The following NR3C2 variants were observed in gnomAD, a reference collection of about 807,000 sequenced individuals.
NR3C2 encodes mineralocorticoid receptor.
NR3C2 carries 15 observed loss-of-function variants against 86.4 expected under a neutral mutation model. The ratio of observed to expected loss-of-function variants is 0.17; its 90% CI spans 0.12 to 0.27. The LOEUF (loss-of-function observed/expected upper bound fraction) is 0.27, where lower values mean the gene tolerates loss of function less well. Among genes scored for constraint, NR3C2 ranks in the 10% least tolerant of loss-of-function variants. NR3C2 has a pLI of 1.00. For synonymous variants in NR3C2, 458 were observed against 450.5 expected, an observed-to-expected ratio of 1.02 and a Z score of -0.21; for missense variants, 960 against 1,195.6, an observed-to-expected ratio of 0.80 and a Z score of 2.91.
chr4:148,403,419 C>T (rs1913023), intron 2 of NR3C2, among the ~76,000 whole-genome samples: 139,564 of 152,080 alleles, frequency 0.92, 64,851 homozygotes, highest in Non-Finnish European at 0.99. Flanking sequence ...TAGAAAGTAG[C>T]CAAGTGTTGA....
At chr4:148,147,682 C>T (rs1346153636) in intron 6 of NR3C2, among the ~76,000 whole-genome samples, 1 of 152,224 alleles carries the variant, frequency 6.6e-6, no homozygotes, top group East Asian at 1.9e-4. Flanking sequence ...AGGACCACGT[C>T]AGTGCACTCT....
At chr4:148,195,572 G>C (rs889834665) in intron 3 of NR3C2, among the ~76,000 whole-genome samples, 2 of 152,168 alleles carry the variant, frequency 1.3e-5, no homozygotes, top group African/African-American at 4.8e-5. Context: ...AAGGTAATTA[G>C]ATAAAATGTG....
At chr4:148,159,436 G>A (rs959742705) in intron 4 of NR3C2, among the ~76,000 whole-genome samples, 10 of 152,092 alleles carry the variant, frequency 6.6e-5, no homozygotes, top group Non-Finnish European at 1.3e-4. Context: ...TAAGCTAAAT[G>A]TATTTGGCAT....
At chr4:148,307,847 A>G (rs551496177) in intron 2 of NR3C2, among the ~76,000 whole-genome samples, 2 of 147,914 alleles carry the variant, frequency 1.4e-5, no homozygotes, top group South Asian at 2.1e-4. Flanking sequence ...CTGCATCATT[A>G]AAAAAAACAA....
intron 8 of NR3C2, among the ~76,000 whole-genome samples, chr4:148,086,291 G>A (rs1345442778): frequency 3.9e-5 from 6 of 152,118 alleles, no homozygotes; most frequent in Non-Finnish European, 5.9e-5. Context: ...CGATCAAGTC[G>A]GCTTCATCCC....
chr4:148,276,208 G>A (rs1740953591), intron 2 of NR3C2, among the ~76,000 whole-genome samples: 1 of 152,166 alleles, frequency 6.6e-6, no homozygotes. Context: ...GGCACGTGCA[G>A]TGGGGGACAC....
chr4:148,080,372 T>G lies in NR3C2; in HGVS notation c.*972A>C, dbSNP rs1341520247. 1 of 152,664 alleles carries G rather than the reference T, an allele frequency of 6.6e-6. No homozygotes were observed. The highest frequency in any genetic ancestry group is 1.5e-5 in the Non-Finnish European group (1 of 68,050). 9.5% of individuals were successfully genotyped at this position (152,664 alleles called of 1,614,324 possible). A position where few individuals can be genotyped will look rare whatever the true frequency, so the allele number is the denominator to read the frequency against. ...CTGTAAAATAATGGTAAATTAGATATGAAGCTAAAAAAGGCACAGCTTTCC... is the reference window on the plus strand; with the variant it reads ...CTGTAAAATAATGGTAAATTAGATAGGAAGCTAAAAAAGGCACAGCTTTCC... On this transcript the variant is annotated 3_prime_UTR_variant, in exon 9 of 9. Coordinates refer to ENST00000358102, the MANE Select transcript of NR3C2 (RefSeq NM_000901.5).
At chr4:148,406,675 G>T (rs1019507052) in intron 2 of NR3C2, among the ~76,000 whole-genome samples, 37 of 152,024 alleles carry the variant, frequency 2.4e-4, no homozygotes, top group Admixed American at 1.9e-3. Flanking sequence ...ATAGGAGGCC[G>T]GTAAAAGCTT....
intron 2 of NR3C2, among the ~76,000 whole-genome samples, chr4:148,375,525 T>G (rs917995778): frequency 6.6e-6 from 1 of 152,060 alleles, no homozygotes; most frequent in African/African-American, 2.4e-5. Context: ...TATCAAAAAT[T>G]TAAAATATAT....
intron 2 of NR3C2, among the ~76,000 whole-genome samples, chr4:148,317,440 C>A (rs1229689692): frequency 6.6e-6 from 1 of 151,792 alleles, no homozygotes; most frequent in Non-Finnish European, 1.5e-5. Context: ...AAGACAATGC[C>A]ATTTTGTTTT....
intron 6 of NR3C2, among the ~76,000 whole-genome samples, chr4:148,138,583 C>T: frequency 6.6e-6 from 1 of 152,066 alleles, no homozygotes; most frequent in South Asian, 2.1e-4. Context: ...AGGGTTTTGC[C>T]ATGTTCCCTA....
intron 3 of NR3C2, among the ~76,000 whole-genome samples, chr4:148,259,109 T>C (rs1739966401): frequency 6.6e-6 from 1 of 152,228 alleles, no homozygotes; most frequent in Admixed American, 6.5e-5. Flanking sequence ...AAGCCACTTA[T>C]GTTTAAGCTT....
chr4:148,250,101 T>C lies in NR3C2; in HGVS notation c.1897+9877A>G, dbSNP rs149254404. 8.3e-3 allele frequency among the ~76,000 whole-genome samples: 1,261 copies of C among 152,244 alleles called. 13 individuals carry two copies. The highest frequency in any genetic ancestry group is 0.029 in the African/African-American group (1,193 of 41,562). ...TAAGTGGGGCAGACTCTGGAAAAAA[T>C]GTATTTATATTTTACATATAACTAC... On this transcript the variant is annotated intron_variant, in intron 3 of 8. Coordinates refer to ENST00000358102, the MANE Select transcript of NR3C2 (RefSeq NM_000901.5).
intron 2 of NR3C2, among the ~76,000 whole-genome samples, chr4:148,272,475 A>G (rs993490791): frequency 1.3e-5 from 2 of 152,162 alleles, no homozygotes; most frequent in East Asian, 3.8e-4. Flanking sequence ...TGTGTGTATA[A>G]GTGTGTGAAA....
intron 4 of NR3C2, among the ~76,000 whole-genome samples, chr4:148,161,091 AGG>A (rs36048118): frequency 0.34 from 51,479 of 151,964 alleles, 9,536 homozygotes; most frequent in East Asian, 0.51. Context: ...ACTGGGTCCC[AGG>A]GCAATAAATA....
Position 148,440,821 on chromosome 4 carries a change from G to T in NR3C2, c.-3+1339C>A, listed in dbSNP as rs543520836. Among the ~76,000 whole-genome samples the T allele has an allele frequency of 1.6e-4, 25 of 152,192 alleles. No homozygotes were observed. The South Asian group carries it at 5.0e-3, about 30-fold the overall frequency. ...CGGGAATATTAACAAAGATCCTTGCGAATTTGTATTTTATCTGGAAACACT... is the reference window on the plus strand; with the variant it reads ...CGGGAATATTAACAAAGATCCTTGCTAATTTGTATTTTATCTGGAAACACT... On this transcript the variant is annotated intron_variant, in intron 1 of 8. Transcript: ENST00000358102.
At chr4:148,352,373 C>CATCCATCTATCT (rs1360113319) in intron 2 of NR3C2, among the ~76,000 whole-genome samples, 1 of 146,208 alleles carries the variant, frequency 6.8e-6, no homozygotes, top group South Asian at 2.3e-4. Context: ...CAACTCCTAT[C>CATCCATCTATCT]ATCTATCTAT....
intron 2 of NR3C2, among the ~76,000 whole-genome samples, chr4:148,292,765 T>C (rs1207411328): frequency 2.6e-5 from 4 of 152,128 alleles, no homozygotes; most frequent in African/African-American, 7.2e-5. Context: ...TCAAAGATCT[T>C]TGGACTACTC....
chr4:148,348,832 C>T (rs188004560), intron 2 of NR3C2, among the ~76,000 whole-genome samples: 5 of 152,210 alleles, frequency 3.3e-5, no homozygotes, highest in Admixed American at 2.0e-4. Context: ...AAACCTGTTA[C>T]TTGTTTATTG....
Sources: allele counts gnomAD v4.1 joint callset (sites outside exome capture counted in the v4.1 genomes callset), GRCh38; gene constraint gnomAD v4.1.1; transcripts MANE v1.5; gene names NCBI Gene and HGNC (gene_info 2026-07-23, HGNC 2026-07-21).